Variants in CFAP206 observed in about 807,000 individuals in gnomAD.
CFAP206 encodes the protein cilia and flagella associated protein 206.
Under a neutral mutation model 65.4 loss-of-function variants are expected in CFAP206, and 53 were observed. The observed-to-expected ratio is 0.81, with a 90% confidence interval of 0.65 to 1.02. The LOEUF (loss-of-function observed/expected upper bound fraction) is 1.02. CFAP206 is among the 50% of genes least tolerant of loss of function. CFAP206 has a pLI of 0.00. For synonymous variants in CFAP206, 250 were observed against 254.4 expected (o/e 0.98, Z 0.17); for missense variants, 663 against 753.2 (o/e 0.88, Z 1.40).
At chr6:87,432,854 CATT>C (rs1768182856) in intron 10 of CFAP206, among the ~76,000 whole-genome samples, 1 of 152,238 alleles carries the variant, frequency 6.6e-6, no homozygotes, top group Admixed American at 6.5e-5. Flanking sequence ...ATTTCTACTT[CATT>C]ATTTTCTGGG....
At chr6:87,460,934 G>A (rs1462534388) in intron 11 of CFAP206, 88 bp from the exon 12 acceptor site, 10 of 1,160,130 alleles carry the variant, frequency 8.6e-6, no homozygotes, top group Non-Finnish European at 1.1e-5. Flanking sequence ...TTTTTTAAGT[G>A]TTTTGTTAGT....
At position 87,415,853 on chromosome 6, in the gene CFAP206, A is replaced by AG; in HGVS notation, c.451_452insG (p.Lys151ArgfsTer27). The AG allele has an allele frequency of 6.3e-7, 1 of 1,589,798 alleles. No homozygotes were observed. Among genetic ancestry groups the AG allele is most frequent in the Non-Finnish European group, 8.6e-7 (1 of 1,169,480 alleles). On this transcript the variant is annotated frameshift_variant, in exon 5 of 13. Transcript: ENST00000369562. LOFTEE classifies it high-confidence loss of function. Reference sequence around the variant, plus strand: ...TGGCCTTGGATCCCCTACAGACATCAAGACTGTCAGAGAGGTAACAGGTAA... The same window carrying AG: ...TGGCCTTGGATCCCCTACAGACATCAGAGACTGTCAGAGAGGTAACAGGTAA...
At chr6:87,444,908 C>A in intron 11 of CFAP206, 1 of 538,796 alleles carries the variant, frequency 1.9e-6, no homozygotes. Flanking sequence ...TTGTAAGGCT[C>A]ACCACTTGTA....
intron 11 of CFAP206, among the ~76,000 whole-genome samples, chr6:87,455,051 T>C (rs12523663): frequency 0.29 from 43,588 of 151,384 alleles, 6,429 homozygotes; most frequent in Admixed American, 0.38. Context: ...GCCTCCCAAG[T>C]AGCTGGGATT....
At position 87,458,672 on chromosome 6, in the gene CFAP206, T is replaced by A. The variant is rs573497289; in HGVS notation, c.1495-2350T>A. Among the ~76,000 whole-genome samples, 96 of 152,040 alleles carry A rather than the reference T, an allele frequency of 6.3e-4. No individual in the cohort carries two copies. The South Asian group carries it at 0.019, about 30-fold the overall frequency. On this transcript the variant is annotated intron_variant, in intron 11 of 12. Transcript: ENST00000369562. ...ACCAGAGGGCTGGTAAAGGTAGTTG[T>A]GGGGAGTGAGAAATGGGGATGGTTA...
chr6:87,430,375 TCA>T (rs2127951793), intron 9 of CFAP206, among the ~76,000 whole-genome samples: 1 of 152,292 alleles, frequency 6.6e-6, no homozygotes, highest in African/African-American at 2.4e-5. Context: ...AAAAATTTAT[TCA>T]GTTTGCTTAT....
chr6:87,411,900 A>G (rs1767741340), intron 3 of CFAP206, among the ~76,000 whole-genome samples: 1 of 152,274 alleles, frequency 6.6e-6, no homozygotes, highest in Admixed American at 6.5e-5. Flanking sequence ...ATCTTTAAAA[A>G]GTAAAAACAT....
intron 1 of CFAP206, 40 bp from the exon 2 acceptor site, chr6:87,409,795 A>C: frequency 7.2e-7 from 1 of 1,386,400 alleles, no homozygotes; most frequent in South Asian, 1.2e-5. Context: ...AATTTGCATA[A>C]AACCACGGTT....
At chr6:87,425,283 C>T (rs1033515910) in intron 7 of CFAP206, among the ~76,000 whole-genome samples, 28 of 152,056 alleles carry the variant, frequency 1.8e-4, no homozygotes, top group African/African-American at 4.8e-4. Context: ...TACAAAGAAC[C>T]GTATTTTTCT....
chr6:87,439,159 A>G (rs1241316145), intron 11 of CFAP206, among the ~76,000 whole-genome samples: 3 of 152,212 alleles, frequency 2.0e-5, no homozygotes, highest in African/African-American at 7.2e-5. Flanking sequence ...TAATGAAATA[A>G]TATGTGGGGG....
intron 1 of CFAP206, among the ~76,000 whole-genome samples, chr6:87,409,252 G>A (rs1288812062): frequency 7.1e-6 from 1 of 141,778 alleles, no homozygotes; most frequent in East Asian, 2.0e-4. Context: ...CTGAGACACA[G>A]TTTCGCTCTT....
chr6:87,439,016 T>C (rs1341383411), intron 11 of CFAP206, among the ~76,000 whole-genome samples: 1 of 152,216 alleles, frequency 6.6e-6, no homozygotes, highest in Non-Finnish European at 1.5e-5. Context: ...CTTTGAAATG[T>C]ATTTTATTAT....
At chr6:87,416,564 G>A (rs1767832688) in intron 5 of CFAP206, 105 bp from the exon 6 acceptor site, 14 of 971,924 alleles carry the variant, frequency 1.4e-5, no homozygotes, top group Non-Finnish European at 1.8e-5. Flanking sequence ...AATCATATAA[G>A]TAACTCAGAC....
chr6:87,410,828 T>C (rs988236483), intron 3 of CFAP206, among the ~76,000 whole-genome samples, 160 bp downstream of exon 3: 8 of 152,188 alleles, frequency 5.3e-5, no homozygotes, highest in Admixed American at 2.6e-4. Flanking sequence ...TGGAGAGACA[T>C]AGACCATTCT....
Position 87,409,877 on chromosome 6 carries a change from T to C in CFAP206, c.38T>C (p.Ile13Thr). 1.9e-6 allele frequency: 3 copies of C among 1,613,420 alleles called. No homozygotes were observed. The highest frequency in any genetic ancestry group is 2.5e-6 in the Non-Finnish European group (3 of 1,179,660). The change falls in exon 2 of 13, where the codon ATT (isoleucine) becomes ACT (threonine). Residue 13 changes from isoleucine to threonine, a missense_variant. Transcript: ENST00000369562. Reference sequence around the variant, plus strand: ...CAGGCCGAAAGTGTTATAAGGAGTATTATACGAGAAATAGGACAAGAATGT... The same window carrying C: ...CAGGCCGAAAGTGTTATAAGGAGTACTATACGAGAAATAGGACAAGAATGT... Reference protein sequence around the residue: ...PTQAESVIRSIIREIGQECAA... With the variant: ...PTQAESVIRSTIREIGQECAA...
intron 2 of CFAP206, 45 bp downstream of exon 2, chr6:87,409,992 T>C (rs748372589): frequency 1.5e-6 from 2 of 1,335,106 alleles, no homozygotes; most frequent in South Asian, 1.2e-5. Flanking sequence ...TAAGAGGTTT[T>C]TTAAGATGTG....
At chr6:87,459,487 A>G (rs1433890800) in intron 11 of CFAP206, among the ~76,000 whole-genome samples, 1 of 152,198 alleles carries the variant, frequency 6.6e-6, no homozygotes, top group Non-Finnish European at 1.5e-5. Flanking sequence ...AAGCAGATAT[A>G]AAAGTCAACA....
intron 9 of CFAP206, among the ~76,000 whole-genome samples, chr6:87,429,355 C>T (rs1470343198): frequency 1.3e-5 from 2 of 151,982 alleles, no homozygotes; most frequent in African/African-American, 4.8e-5. Flanking sequence ...TTTTGGTTAA[C>T]AATCATTTTT....
chr6:87,425,423 A>T (rs1326956985), intron 7 of CFAP206, among the ~76,000 whole-genome samples: 1 of 152,198 alleles, frequency 6.6e-6, no homozygotes, highest in East Asian at 1.9e-4. Flanking sequence ...TATCTTTTAG[A>T]TCTTGCATAA....
Sources: allele counts gnomAD v4.1 joint callset (sites outside exome capture counted in the v4.1 genomes callset), GRCh38; gene constraint gnomAD v4.1.1; transcripts MANE v1.5; gene names NCBI Gene and HGNC (gene_info 2026-07-23, HGNC 2026-07-21).